Variants in TYR observed in about 807,000 individuals in gnomAD.
The protein encoded by TYR is tyrosinase, also known as LB24-AB.
TYR carries 58 observed loss-of-function variants against 51.5 expected under a neutral mutation model. That is an observed-to-expected ratio of 1.13 (90% CI 0.91 to 1.40). The LOEUF is 1.40. Among genes scored for constraint, TYR ranks in the 40% most tolerant of loss-of-function variants. The pLI, the probability that TYR is intolerant of heterozygous loss-of-function variation, is 0.00. For missense variants in TYR, 732 were observed against 647.4 expected, an observed-to-expected ratio of 1.13 and a Z score of -1.42; for synonymous variants, 263 against 235.2, an observed-to-expected ratio of 1.12 and a Z score of -1.08.
chr11:89,241,619 A>G (rs893400262), intron 3 of TYR, among the ~76,000 whole-genome samples: 3 of 151,716 alleles, frequency 2.0e-5, no homozygotes, highest in Non-Finnish European at 4.4e-5. Context: ...AGTTAACAAA[A>G]ACCTCAAAAG....
intron 3 of TYR, among the ~76,000 whole-genome samples, chr11:89,266,261 T>C (rs1237840195): frequency 6.6e-6 from 1 of 152,046 alleles, no homozygotes; most frequent in Non-Finnish European, 1.5e-5. Context: ...GTGTTCTGTA[T>C]ATTTCTATAA....
intron 3 of TYR, among the ~76,000 whole-genome samples, chr11:89,260,077 A>T (rs189874952): frequency 6.6e-6 from 1 of 152,022 alleles, no homozygotes; most frequent in Non-Finnish European, 1.5e-5. Flanking sequence ...GGTTAAAAAG[A>T]GATTGTATAT....
In TYR at chr11:89,279,437, C is replaced by T. The variant is rs1200176887; in HGVS notation, c.1185-5336C>T. On this transcript the variant is annotated intron_variant, in intron 3 of 4. Coordinates refer to ENST00000263321, the MANE Select transcript of TYR (RefSeq NM_000372.5). ...TCAAGAAGAATACAAACAGACAGGG[C>T]TTACTGGGTTGTTTCTCTCAGTCTA... Among the ~76,000 whole-genome samples the T allele has an allele frequency of 4.6e-5, 7 of 151,614 alleles. No homozygotes were observed. In the Admixed American group the frequency reaches 4.6e-4, roughly 10 times the overall value.
chr11:89,231,243 G>A (rs1175412503), intron 3 of TYR, among the ~76,000 whole-genome samples: 1 of 151,002 alleles, frequency 6.6e-6, no homozygotes, highest in Non-Finnish European at 1.5e-5. Flanking sequence ...TAGTCATTTG[G>A]GAAAACATAG....
intron 3 of TYR, among the ~76,000 whole-genome samples, chr11:89,236,031 T>C (rs981065012): frequency 1.1e-4 from 16 of 152,286 alleles, no homozygotes; most frequent in African/African-American, 3.8e-4. Flanking sequence ...CTTGTTTTTA[T>C]AAATAAGGTT....
At chr11:89,282,083 T>C (rs1944727089) in intron 3 of TYR, among the ~76,000 whole-genome samples, 1 of 151,782 alleles carries the variant, frequency 6.6e-6, no homozygotes, top group Admixed American at 6.6e-5. Context: ...TTTGAAAAGG[T>C]TGATGAGGTG....
chr11:89,200,993 T>C (rs1943591965), intron 2 of TYR, among the ~76,000 whole-genome samples: 1 of 152,160 alleles, frequency 6.6e-6, no homozygotes, highest in Admixed American at 6.5e-5. Flanking sequence ...ATTTTACCCA[T>C]TAGTGATTTT....
At chr11:89,291,565 T>G (rs752536771) in intron 4 of TYR, among the ~76,000 whole-genome samples, 16 of 151,970 alleles carry the variant, frequency 1.1e-4, no homozygotes, top group Non-Finnish European at 1.9e-4. Flanking sequence ...CTTGTGCTGT[T>G]TTAGTCTCCT....
At chr11:89,192,983 G>A (rs1182641277) in intron 2 of TYR, among the ~76,000 whole-genome samples, 1 of 152,098 alleles carries the variant, frequency 6.6e-6, no homozygotes, top group Non-Finnish European at 1.5e-5. Flanking sequence ...TCAACAGTGG[G>A]TTGAGAGTTT....
chr11:89,251,403 G>A (rs1360904044), intron 3 of TYR, among the ~76,000 whole-genome samples: 1 of 151,830 alleles, frequency 6.6e-6, no homozygotes, highest in African/African-American at 2.4e-5. Context: ...ATAATAACAT[G>A]CATGGACAAT....
At chr11:89,273,749 A>T (rs76750573) in intron 3 of TYR, among the ~76,000 whole-genome samples, 22 of 151,332 alleles carry the variant, frequency 1.5e-4, no homozygotes, top group Admixed American at 1.4e-3. Context: ...AAACAACATA[A>T]TTTTTTTTTC....
At chr11:89,229,649 G>T (rs1056886801) in intron 3 of TYR, among the ~76,000 whole-genome samples, 3 of 151,866 alleles carry the variant, frequency 2.0e-5, no homozygotes. Context: ...ACACAGAAAA[G>T]CCTGAGAATT....
At chr11:89,240,377 A>G (rs1944176281) in intron 3 of TYR, among the ~76,000 whole-genome samples, 1 of 152,160 alleles carries the variant, frequency 6.6e-6, no homozygotes, top group African/African-American at 2.4e-5. Flanking sequence ...GAAACAAAAT[A>G]ACAAAATTAA....
At chr11:89,245,849 A>G (rs1029828626) in intron 3 of TYR, among the ~76,000 whole-genome samples, 2 of 151,772 alleles carry the variant, frequency 1.3e-5, no homozygotes, top group South Asian at 2.1e-4. Context: ...GTGAACCTGG[A>G]GGCGGAGCTT....
intron 3 of TYR, among the ~76,000 whole-genome samples, chr11:89,245,951 A>T (rs2135295376): frequency 6.6e-6 from 1 of 152,032 alleles, no homozygotes; most frequent in South Asian, 2.1e-4. Flanking sequence ...CAAAAAAAAC[A>T]AAACAGAATC....
intron 4 of TYR, among the ~76,000 whole-genome samples, chr11:89,292,127 G>A (rs540533525): frequency 1.3e-5 from 2 of 151,920 alleles, no homozygotes; most frequent in South Asian, 4.1e-4. Flanking sequence ...AGTGAAATAT[G>A]AGTAATTTAT....
At chr11:89,224,810 C>T (rs1338119431) in intron 2 of TYR, among the ~76,000 whole-genome samples, 1 of 152,108 alleles carries the variant, frequency 6.6e-6, no homozygotes. Context: ...ACTTTAATTA[C>T]TAGGCAACAA....
At chr11:89,251,577 A>C (rs560244249) in intron 3 of TYR, among the ~76,000 whole-genome samples, 2 of 151,918 alleles carry the variant, frequency 1.3e-5, no homozygotes, top group Non-Finnish European at 2.9e-5. Context: ...GGCAGCTGAA[A>C]GTTTTCTGTA....
intron 3 of TYR, among the ~76,000 whole-genome samples, chr11:89,241,814 T>C (rs1002969922): frequency 1.4e-5 from 2 of 148,068 alleles, no homozygotes; most frequent in Non-Finnish European, 3.0e-5. Flanking sequence ...CTATATAATA[T>C]AGTATATACT....
Sources: gnomAD v4.1 joint callset for allele counts (sites outside exome capture counted in the v4.1 genomes callset) on GRCh38, gnomAD v4.1.1 for gene constraint, MANE v1.5 for transcripts, NCBI Gene and HGNC (gene_info 2026-07-23, HGNC 2026-07-21) for gene names.